The following RMDN2 variants were observed in gnomAD, a reference collection of about 807,000 sequenced individuals.
RMDN2 encodes the protein regulator of microtubule dynamics 2, also known as regulator of microtubule dynamics protein 2.
RMDN2 carries 61 observed loss-of-function variants against 52.8 expected under a neutral mutation model. The ratio of observed to expected loss-of-function variants is 1.16; its 90% CI spans 0.94 to 1.43. RMDN2 has a LOEUF of 1.43. RMDN2 is among the 40% of genes most tolerant of loss of function. RMDN2 has a pLI of 0.00. For synonymous variants in RMDN2, 180 were observed against 153.1 expected (o/e 1.18, Z -1.30); for missense variants, 592 against 475.3 (o/e 1.25, Z -2.28).
chr2:38,055,152 G>A (rs1681808445), intron 10 of RMDN2, among the ~76,000 whole-genome samples: 1 of 151,776 alleles, frequency 6.6e-6, no homozygotes, highest in Non-Finnish European at 1.5e-5. Flanking sequence ...TTTCCCTCTT[G>A]CCTAGATGAT....
intron 10 of RMDN2, among the ~76,000 whole-genome samples, chr2:38,012,138 C>G (rs1239563259): frequency 5.3e-5 from 8 of 152,168 alleles, no homozygotes; most frequent in Non-Finnish European, 7.4e-5. Flanking sequence ...GCCCTTCACC[C>G]TTAGAACATA....
rs568352104 is a variant in RMDN2, at chr2:37,939,483, C to T, written c.452+9754C>T. Reference sequence around the variant, plus strand: ...GTCTCGTTGATTTGTCTAATATTGACAGTGGGGTGTTAAATTCTCCCACTC... The same window carrying T: ...GTCTCGTTGATTTGTCTAATATTGATAGTGGGGTGTTAAATTCTCCCACTC... On this transcript the variant is annotated intron_variant, in intron 2 of 10. Coordinates refer to ENST00000354545, the MANE Select transcript of RMDN2 (RefSeq NM_001170791.3). Among the ~76,000 whole-genome samples, 4 of 152,226 alleles carry T rather than the reference C, an allele frequency of 2.6e-5. No homozygotes were observed. The South Asian group carries it at 6.2e-4, about 24-fold the overall frequency.
intron 10 of RMDN2, among the ~76,000 whole-genome samples, chr2:38,041,691 A>G: frequency 6.6e-6 from 1 of 152,078 alleles, no homozygotes; most frequent in East Asian, 1.9e-4. Context: ...GTTTTTCTGC[A>G]TTGATTGATA....
chr2:38,010,686 C>G (rs150004547), intron 10 of RMDN2, among the ~76,000 whole-genome samples: 1 of 152,174 alleles, frequency 6.6e-6, no homozygotes. Flanking sequence ...TGCCCAGCTT[C>G]GGCTCATGCT....
Position 37,950,444 on chromosome 2 carries a change from G to A in RMDN2, c.452+20715G>A, listed in dbSNP as rs1371456964. On this transcript the variant is annotated intron_variant, in intron 2 of 10. Coordinates refer to ENST00000354545, the MANE Select transcript of RMDN2 (RefSeq NM_001170791.3). ...AGAGTCTGCTGTCATCACATTCTGTGTTATTGCCATGTTAACTCCACATGC... is the reference window on the plus strand; with the variant it reads ...AGAGTCTGCTGTCATCACATTCTGTATTATTGCCATGTTAACTCCACATGC... The A allele has an allele frequency of 2.5e-6, 4 of 1,609,230 alleles. No homozygotes were observed. In the Admixed American group the frequency reaches 6.7e-5, roughly 27 times the overall value.
intron 2 of RMDN2, chr2:37,951,391 A>G: frequency 6.2e-7 from 1 of 1,613,258 alleles, no homozygotes; most frequent in Non-Finnish European, 8.5e-7. Flanking sequence ...AATGCAGCCA[A>G]AGCAAGTAGA....
intron 2 of RMDN2, among the ~76,000 whole-genome samples, chr2:37,945,375 C>T (rs1461397925): frequency 6.6e-6 from 1 of 152,142 alleles, no homozygotes; most frequent in Non-Finnish European, 1.5e-5. Context: ...TTAGAGCTTA[C>T]ATGCTATTGG....
At chr2:37,997,276 T>C (rs1436591589) in intron 7 of RMDN2, 140 bp from the exon 8 acceptor site, 8 of 643,504 alleles carry the variant, frequency 1.2e-5, no homozygotes, top group Non-Finnish European at 2.2e-5. Flanking sequence ...TATTTATGGA[T>C]ATATGTTTTC....
chr2:37,977,944 C>T (rs999322021), intron 4 of RMDN2, among the ~76,000 whole-genome samples: 2 of 152,136 alleles, frequency 1.3e-5, no homozygotes, highest in South Asian at 2.1e-4. Flanking sequence ...GCTGCAATCT[C>T]GACACTTTGG....
At chr2:37,967,590 T>C (rs988605430) in intron 2 of RMDN2, among the ~76,000 whole-genome samples, 3 of 152,236 alleles carry the variant, frequency 2.0e-5, no homozygotes, top group Non-Finnish European at 4.4e-5. Context: ...CATCTACTTA[T>C]TATGAAAGTG....
intron 2 of RMDN2, among the ~76,000 whole-genome samples, chr2:37,962,151 C>T (rs370443853): frequency 2.6e-5 from 4 of 152,218 alleles, no homozygotes; most frequent in South Asian, 2.1e-4. Flanking sequence ...GATGTCTCCT[C>T]GTCCGGAGGC....
chr2:38,065,361 A>C (rs1682227886), intron 10 of RMDN2, among the ~76,000 whole-genome samples: 1 of 152,134 alleles, frequency 6.6e-6, no homozygotes, highest in Admixed American at 6.6e-5. Context: ...AATGTAAGGA[A>C]ATAGGAATAA....
chr2:38,065,189 G>A (rs1037117027), intron 10 of RMDN2, among the ~76,000 whole-genome samples: 5 of 152,086 alleles, frequency 3.3e-5, no homozygotes, highest in African/African-American at 9.7e-5. Context: ...ACACAGGGAT[G>A]GAGCTGAGAA....
At chr2:37,921,552 C>T (rs1327096143), upstream of RMDN2, among the ~76,000 whole-genome samples, 2 of 152,192 alleles carry the variant, frequency 1.3e-5, no homozygotes, top group Non-Finnish European at 2.9e-5. Flanking sequence ...TCAGTTTCTC[C>T]TCTAACAGAA....
chr2:38,040,139 T>C (rs1243420519), intron 10 of RMDN2, among the ~76,000 whole-genome samples: 1 of 151,378 alleles, frequency 6.6e-6, no homozygotes, highest in East Asian at 1.9e-4. Flanking sequence ...CTAGTCTTTA[T>C]TGAATTGCCT....
At chr2:37,969,131 C>G (rs1015834569) in intron 2 of RMDN2, among the ~76,000 whole-genome samples, 157 of 151,760 alleles carry the variant, frequency 1.0e-3, no homozygotes, top group Admixed American at 0.01. Context: ...CCACATTGAC[C>G]CAGTTTCTTT....
At chr2:38,042,213 A>C (rs542429648) in intron 10 of RMDN2, among the ~76,000 whole-genome samples, 1 of 152,092 alleles carries the variant, frequency 6.6e-6, no homozygotes, top group Non-Finnish European at 1.5e-5. Flanking sequence ...AGTTCATCTA[A>C]GTTATCAAAT....
At chr2:37,969,058 T>C (rs1671457449) in intron 2 of RMDN2, among the ~76,000 whole-genome samples, 1 of 151,676 alleles carries the variant, frequency 6.6e-6, no homozygotes, top group African/African-American at 2.4e-5. Context: ...TTTTTCAATG[T>C]GGGAAATAGA....
At chr2:37,942,109 C>G (rs1667844521) in intron 2 of RMDN2, among the ~76,000 whole-genome samples, 1 of 152,132 alleles carries the variant, frequency 6.6e-6, no homozygotes, top group Admixed American at 6.5e-5. Flanking sequence ...CCAGATATCT[C>G]TGTCCCTCAT....
Sources: allele counts gnomAD v4.1 joint callset (sites outside exome capture counted in the v4.1 genomes callset), GRCh38; gene constraint gnomAD v4.1.1; transcripts MANE v1.5; gene names NCBI Gene and HGNC (gene_info 2026-07-23, HGNC 2026-07-21).